The following XRCC2 variants were observed in gnomAD, a reference collection of about 807,000 sequenced individuals.
XRCC2 encodes DNA repair protein XRCC2.
In XRCC2, 24 loss-of-function variants were observed where a neutral mutation model predicts 27.3. That is an observed-to-expected ratio of 0.88 (90% CI 0.64 to 1.24). The LOEUF is 1.24. Ranked by LOEUF, XRCC2 falls within the 50% of genes most tolerant of loss-of-function variation. XRCC2 has a pLI of 0.00. For synonymous variants in XRCC2, 106 were observed against 115.4 expected, an observed-to-expected ratio of 0.92 and a Z score of 0.52; for missense variants, 321 against 325.8, an observed-to-expected ratio of 0.99 and a Z score of 0.11.
At chr7:152,668,409 A>G (rs1467071385) in intron 1 of XRCC2, among the ~76,000 whole-genome samples, 1 of 152,194 alleles carries the variant, frequency 6.6e-6, no homozygotes, top group Non-Finnish European at 1.5e-5. Flanking sequence ...AGGTACTCCA[A>G]AAATCTGACA....
intron 2 of XRCC2, among the ~76,000 whole-genome samples, chr7:152,659,055 C>T (rs2098031972): frequency 6.6e-6 from 1 of 152,022 alleles, no homozygotes; most frequent in African/African-American, 2.4e-5. Flanking sequence ...ATACTGTTTT[C>T]CATAATGGTC....
At position 152,649,126 on chromosome 7, in the gene XRCC2, C is replaced by T. The variant is rs1432878196; in HGVS notation, c.359G>A (p.Cys120Tyr). The change falls in exon 3 of 3, where the codon TGC becomes TAC. Residue 120 changes from cysteine (C) to tyrosine (Y), a missense_variant. By Grantham distance (194) the Cys-to-Tyr change is radical. Coordinates refer to ENST00000359321, the MANE Select transcript of XRCC2 (RefSeq NM_005431.2). ...AAGAAGTAAGTGGGTGCTACTACTG[C>T]AGTACACCAAAAAAAATCTTCCCAG... ...YCLGRFFLVY[C>Y]SSSTHLLLTL... The T allele has an allele frequency of 6.8e-6, 11 of 1,613,654 alleles. No individual in the cohort carries two copies. The highest frequency in any genetic ancestry group is 9.3e-6 in the Non-Finnish European group (11 of 1,179,926).
At chr7:152,660,908 C>G in intron 1 of XRCC2, 126 bp from the exon 2 acceptor site, 1 of 765,560 alleles carries the variant, frequency 1.3e-6, no homozygotes, top group East Asian at 2.8e-5. Flanking sequence ...GTGGCTCACA[C>G]CTGTAATCCC....
At chr7:152,660,402 G>T (rs1239681432) in intron 2 of XRCC2, among the ~76,000 whole-genome samples, 3 of 152,162 alleles carry the variant, frequency 2.0e-5, no homozygotes, top group African/African-American at 7.2e-5. Flanking sequence ...AACTCCGCAA[G>T]CTTCTAAAGA....
At chr7:152,650,948 A>AT (rs201713898) in intron 2 of XRCC2, among the ~76,000 whole-genome samples, 9 of 151,720 alleles carry the variant, frequency 5.9e-5, no homozygotes, top group South Asian at 2.1e-4. Flanking sequence ...TTTAATTTTA[A>AT]TTTTTTTTTG....
intron 1 of XRCC2, among the ~76,000 whole-genome samples, chr7:152,671,735 A>C (rs1207648917): frequency 1.3e-5 from 2 of 152,120 alleles, no homozygotes; most frequent in Non-Finnish European, 2.9e-5. Context: ...CCCATTTGAG[A>C]ATGATGATTA....
Position 152,660,700 on chromosome 7 carries a change from C to A in XRCC2, c.121+1G>T. ...ATTTATATAAAGGTTGTATTTTTTA[C>A]CATGCACAGGTGAATCTTCATCAGC... On this transcript the variant is annotated splice_donor_variant, in intron 2 of 2. Transcript: ENST00000359321. LOFTEE classifies it high-confidence loss of function. 6.2e-7 allele frequency: 1 copy of A among 1,605,060 alleles called. No homozygotes were observed. The highest frequency in any genetic ancestry group is 8.5e-7 in the Non-Finnish European group (1 of 1,177,560).
intron 2 of XRCC2, among the ~76,000 whole-genome samples, chr7:152,658,798 A>G (rs1186572882): frequency 6.6e-6 from 1 of 152,234 alleles, no homozygotes; most frequent in East Asian, 1.9e-4. Context: ...AACTGCATGT[A>G]TATATCACAT....
rs775671215 is a variant in XRCC2 at position 152,676,072 on chromosome 7, C to T, written c.8G>A (p.Ser3Asn). 1 of 1,613,886 alleles carries T rather than the reference C, an allele frequency of 6.2e-7. No individual in the cohort carries two copies. Among genetic ancestry groups the T allele is most frequent in the South Asian group, 1.1e-5 (1 of 91,088 alleles). MC[S>N]AFHRAESGTE... ...CCCAGACTCAGCCCTATGGAAGGCACTACACATCGCCCCGAAGGCTCGGCG... is the reference window on the plus strand; with the variant it reads ...CCCAGACTCAGCCCTATGGAAGGCATTACACATCGCCCCGAAGGCTCGGCG... The change falls in exon 1 of 3, where the codon AGT becomes AAT. Residue 3 changes from serine to asparagine, a missense_variant. Coordinates refer to ENST00000359321, the MANE Select transcript of XRCC2 (RefSeq NM_005431.2).
intron 1 of XRCC2, among the ~76,000 whole-genome samples, chr7:152,667,431 A>AG: frequency 6.8e-6 from 1 of 147,286 alleles, no homozygotes; most frequent in Non-Finnish European, 1.5e-5. Context: ...AAAAAAGAAA[A>AG]AAAGTATTAT....
intron 1 of XRCC2, 79 bp downstream of exon 1, chr7:152,675,962 C>A: frequency 1.3e-6 from 2 of 1,591,222 alleles, no homozygotes; most frequent in Non-Finnish European, 1.7e-6. Context: ...GCCTCCCAAT[C>A]CCCCGGGTTC....
At chr7:152,673,857 CAG>C (rs1486232190) in intron 1 of XRCC2, among the ~76,000 whole-genome samples, 3 of 152,124 alleles carry the variant, frequency 2.0e-5, no homozygotes, top group Admixed American at 6.6e-5. Flanking sequence ...GCCTGGGCGA[CAG>C]AGTGAGACTC....
rs1204405661 is a variant in XRCC2, at chr7:152,676,070, C to A, written c.10G>T (p.Ala4Ser). The A allele has an allele frequency of 3.1e-6, 5 of 1,613,882 alleles. No individual in the cohort carries two copies. Among genetic ancestry groups the A allele is most frequent in the South Asian group, 1.1e-5 (1 of 91,088 alleles). MCS[A>S]FHRAESGTEL... Reference sequence around the variant, plus strand: ...GTCCCAGACTCAGCCCTATGGAAGGCACTACACATCGCCCCGAAGGCTCGG... The same window carrying A: ...GTCCCAGACTCAGCCCTATGGAAGGAACTACACATCGCCCCGAAGGCTCGG... The change falls in exon 1 of 3, where the codon GCC becomes TCC. Residue 4 changes from alanine (A) to serine (S), a missense_variant. By Grantham distance (99) the Ala-to-Ser change is moderately conservative. Transcript: ENST00000359321.
intron 1 of XRCC2, among the ~76,000 whole-genome samples, chr7:152,667,317 G>C (rs1431132346): frequency 7.1e-6 from 1 of 140,558 alleles, no homozygotes. Context: ...TGAGACGGAA[G>C]AATCGCTTGA....
intron 1 of XRCC2, among the ~76,000 whole-genome samples, chr7:152,674,387 G>A (rs142357979): frequency 1.3e-5 from 2 of 151,994 alleles, no homozygotes; most frequent in Admixed American, 6.6e-5. Context: ...AGGCTGAGGC[G>A]GATCACCTGA....
In XRCC2 at chr7:152,673,833, G is replaced by A. The variant is rs557995858; in HGVS notation, c.39+2208C>T. ...AGAGGTTACAGTGAGCCAAGATCGC[G>A]CCACTGCACTCCAGCCTGGGCGACA... On this transcript the variant is annotated intron_variant, in intron 1 of 2. Transcript: ENST00000359321. 1.1e-4 allele frequency among the ~76,000 whole-genome samples: 17 copies of A among 152,122 alleles called. No individual in the cohort carries two copies. The East Asian group carries it at 1.4e-3, about 12-fold the overall frequency.
intron 1 of XRCC2, among the ~76,000 whole-genome samples, chr7:152,666,470 C>T (rs1322868560): frequency 2.0e-5 from 3 of 152,088 alleles, no homozygotes. Flanking sequence ...CCTTAGCCTC[C>T]CAAAGTGCTG....
At chr7:152,649,389 C>A in intron 2 of XRCC2, 26 bp from the exon 3 acceptor site, 1 of 1,532,352 alleles carries the variant, frequency 6.5e-7, no homozygotes, top group Non-Finnish European at 8.7e-7. Context: ...AAATCTCAGT[C>A]AAAATGCAGT....
In XRCC2 at chr7:152,648,613, C is replaced by A. The variant is rs1165842073; in HGVS notation, c.*29G>T. 1.9e-6 allele frequency: 3 copies of A among 1,554,148 alleles called. No individual in the cohort carries two copies. Among genetic ancestry groups the A allele is most frequent in the Non-Finnish European group, 2.6e-6 (3 of 1,157,072 alleles). ...GAAAAATTTTAAGGCTTGCGTAGTA[C>A]CCTGCAAAAGACTATTTTATGATGT... On this transcript the variant is annotated 3_prime_UTR_variant, in exon 3 of 3. Transcript: ENST00000359321.
Sources: allele counts gnomAD v4.1 joint callset (sites outside exome capture counted in the v4.1 genomes callset), GRCh38; gene constraint gnomAD v4.1.1; transcripts MANE v1.5; gene names NCBI Gene and HGNC (gene_info 2026-07-23, HGNC 2026-07-21).